The following MYO1B variants were observed in gnomAD, a reference collection of about 807,000 sequenced individuals.
MYO1B encodes the protein myosin IB.
MYO1B carries 72 observed loss-of-function variants against 159.7 expected under a neutral mutation model. The ratio of observed to expected loss-of-function variants is 0.45; its 90% confidence interval spans 0.37 to 0.55. The LOEUF is 0.55. MYO1B is among the 20% of genes least tolerant of loss of function. MYO1B has a pLI of 0.00. For synonymous variants in MYO1B, 468 were observed against 473.8 expected (o/e 0.99, Z 0.16); for missense variants, 1,062 against 1,364.8 (o/e 0.78, Z 3.50).
chr2:191,387,296 T>C lies in MYO1B; in HGVS notation c.1627T>C (p.Trp543Arg), dbSNP rs982090666. 1.9e-6 allele frequency: 3 copies of C among 1,614,224 alleles called. No homozygotes were observed. The highest frequency in any genetic ancestry group is 2.5e-6 in the Non-Finnish European group (3 of 1,180,048). Residue 543 changes from tryptophan (W) to arginine (R), a missense_variant, in exon 17 of 31, where the codon TGG (tryptophan) becomes CGG (arginine). Transcript: ENST00000392318. ...CTATCGAGACCTGTCCCAAGCCATGTGGAAGGCCAGCCATGCCCTCATCAA... is the reference window on the plus strand; with the variant it reads ...CTATCGAGACCTGTCCCAAGCCATGCGGAAGGCCAGCCATGCCCTCATCAA... The part of the protein sequence containing the change: ...LLYRDLSQAM[W>R]KASHALIKSL...
intron 21 of MYO1B, among the ~76,000 whole-genome samples, chr2:191,399,109 A>C (rs1192778674): frequency 3.9e-5 from 6 of 152,102 alleles, no homozygotes; most frequent in Non-Finnish European, 7.4e-5. Flanking sequence ...ACCAAAAAAA[A>C]ACGAAAACCA....
At chr2:191,306,325 C>T (rs1027804988) in intron 3 of MYO1B, among the ~76,000 whole-genome samples, 3 of 152,178 alleles carry the variant, frequency 2.0e-5, no homozygotes, top group African/African-American at 4.8e-5. Context: ...GGAGACAGAC[C>T]GAGCTAGAAC....
intron 3 of MYO1B, among the ~76,000 whole-genome samples, chr2:191,317,359 T>C (rs1268766428): frequency 6.6e-6 from 1 of 152,220 alleles, no homozygotes; most frequent in African/African-American, 2.4e-5. Flanking sequence ...GTAGGAGGGA[T>C]AGGAGCAGCA....
chr2:191,340,561 T>C (rs757679345), intron 4 of MYO1B, among the ~76,000 whole-genome samples: 1 of 152,196 alleles, frequency 6.6e-6, no homozygotes, highest in African/African-American at 2.4e-5. Flanking sequence ...GCCTATTCTT[T>C]AGCAGCTTTA....
chr2:191,255,785 C>G (rs887268744), intron 1 of MYO1B, among the ~76,000 whole-genome samples: 29 of 147,874 alleles, frequency 2.0e-4, no homozygotes, highest in African/African-American at 5.3e-4. Flanking sequence ...ACCCCTACCC[C>G]CTCTGCATTT....
chr2:191,363,372 C>T (rs531608104), intron 9 of MYO1B, among the ~76,000 whole-genome samples: 1 of 152,236 alleles, frequency 6.6e-6, no homozygotes, highest in African/African-American at 2.4e-5. Context: ...GAATGAGGAG[C>T]TTTTCTTTGT....
At chr2:191,318,533 C>T (rs1271970888) in intron 3 of MYO1B, among the ~76,000 whole-genome samples, 2 of 152,168 alleles carry the variant, frequency 1.3e-5, no homozygotes, top group African/African-American at 2.4e-5. Flanking sequence ...GTCTCTGTTC[C>T]GATCCAAGGT....
At chr2:191,378,710 G>A (rs1001369482) in intron 13 of MYO1B, among the ~76,000 whole-genome samples, 1 of 152,226 alleles carries the variant, frequency 6.6e-6, no homozygotes, top group South Asian at 2.1e-4. Context: ...GTGGTAAAGC[G>A]TTGGGACGGC....
chr2:191,282,654 G>T (rs1441291121), intron 2 of MYO1B, among the ~76,000 whole-genome samples: 1 of 152,186 alleles, frequency 6.6e-6, no homozygotes, highest in Non-Finnish European at 1.5e-5. Flanking sequence ...ATTATGTTGG[G>T]TGAAAAAACT....
intron 12 of MYO1B, 25 bp downstream of exon 12, chr2:191,369,653 C>A: frequency 1.3e-6 from 2 of 1,553,890 alleles, no homozygotes; most frequent in South Asian, 1.1e-5. Context: ...TGAGCAAAAT[C>A]AGTTGTAATA....
At chr2:191,350,302 C>G (rs1692829752) in intron 7 of MYO1B, 77 bp downstream of exon 7, 2 of 1,092,866 alleles carry the variant, frequency 1.8e-6, no homozygotes, top group African/African-American at 1.6e-5. Context: ...AGTTTAGATA[C>G]TTGTGTCTTT....
At chr2:191,246,069 G>A (rs1036562448) in intron 1 of MYO1B, 1 of 152,404 alleles carries the variant, frequency 6.6e-6, no homozygotes, top group Non-Finnish European at 1.5e-5. Flanking sequence ...GCGTCCTGGG[G>A]AGTGGGGTTC....
intron 3 of MYO1B, among the ~76,000 whole-genome samples, chr2:191,306,617 A>G (rs1413516694): frequency 6.6e-6 from 1 of 152,040 alleles, no homozygotes; most frequent in Non-Finnish European, 1.5e-5. Flanking sequence ...TCATCTGAGG[A>G]TGGGAGGGAC....
chr2:191,269,991 A>AG (rs1172438030), intron 1 of MYO1B, among the ~76,000 whole-genome samples: 1 of 152,182 alleles, frequency 6.6e-6, no homozygotes, highest in Non-Finnish European at 1.5e-5. Flanking sequence ...GCCAAGTGGT[A>AG]GAGATGATTG....
intron 2 of MYO1B, among the ~76,000 whole-genome samples, chr2:191,278,008 T>C (rs1339444173): frequency 1.3e-5 from 2 of 152,266 alleles, no homozygotes; most frequent in East Asian, 1.9e-4. Flanking sequence ...GGAACTAATA[T>C]ATTTTGTAAA....
rs1273095278 is a variant in MYO1B at position 191,416,122 on chromosome 2, A to T, written c.3167A>T (p.Glu1056Val). 9 of 1,613,908 alleles carry T rather than the reference A, an allele frequency of 5.6e-6. No individual in the cohort carries two copies. The highest frequency in any genetic ancestry group is 3.3e-4 in the Middle Eastern group (2 of 6,084). ...FFAVHLKEGS[E>V]AASKGDFLFS... ...CTTGGTTTGTCCTTGCAGGGCTCAGAAGCAGCTAGTAAAGGAGACTTTCTC... is the reference window on the plus strand; with the variant it reads ...CTTGGTTTGTCCTTGCAGGGCTCAGTAGCAGCTAGTAAAGGAGACTTTCTC... The change falls in exon 30 of 31, where the codon GAA becomes GTA. Residue 1056 changes from glutamate to valine, a missense_variant. This residue lies in a region of MYO1B where 609 missense variants were observed against 744.4 expected (regional missense o/e 0.82). Coordinates refer to ENST00000392318, the MANE Select transcript of MYO1B (RefSeq NM_001130158.3).
At chr2:191,301,635 A>T (rs1439794037) in intron 3 of MYO1B, among the ~76,000 whole-genome samples, 1 of 152,248 alleles carries the variant, frequency 6.6e-6, no homozygotes, top group Non-Finnish European at 1.5e-5. Flanking sequence ...TATACCCAAG[A>T]TAATTTTGTA....
At chr2:191,246,744 C>T (rs1222479697) in intron 1 of MYO1B, among the ~76,000 whole-genome samples, 6 of 152,002 alleles carry the variant, frequency 3.9e-5, no homozygotes, top group Admixed American at 6.6e-5. Flanking sequence ...TTTTCCAGGA[C>T]TGTTTGAGGG....
intron 3 of MYO1B, among the ~76,000 whole-genome samples, chr2:191,307,498 A>G (rs1689720968): frequency 6.6e-6 from 1 of 152,134 alleles, no homozygotes; most frequent in South Asian, 2.1e-4. Context: ...GTGACTAAGA[A>G]TGCCTAACCT....
Sources: gnomAD v4.1 joint callset for allele counts (sites outside exome capture counted in the v4.1 genomes callset) on GRCh38, gnomAD v4.1.1 for gene constraint, gnomAD v4.1.1 regional missense constraint, MANE v1.5 for transcripts, NCBI Gene and HGNC (gene_info 2026-07-23, HGNC 2026-07-21) for gene names.